The following IPO11 variants were observed in gnomAD, a reference collection of about 807,000 sequenced individuals.
IPO11 encodes importin-11.
In IPO11, 66 loss-of-function variants were observed where a neutral mutation model predicts 143.2. That is an observed-to-expected ratio of 0.46 (90% CI 0.38 to 0.57). The LOEUF is 0.57. IPO11 is among the 20% of genes least tolerant of loss of function. The pLI is 0.00. For missense variants in IPO11, 1,026 were observed against 1,141.0 expected (o/e 0.90, Z 1.45); for synonymous variants, 385 against 377.8 (o/e 1.02, Z -0.22).
In IPO11 at chr5:62,537,357, C is replaced by G. The variant is rs936644619; in HGVS notation, c.2250+68C>G. 36 of 1,044,246 alleles carry G rather than the reference C, an allele frequency of 3.4e-5. No homozygotes were observed. The Admixed American group carries it at 5.3e-4, about 15-fold the overall frequency. The allele number at this position is 1,044,246 out of a possible 1,614,324, so 64.7% of individuals were successfully genotyped here. A position where few individuals can be genotyped will look rare whatever the true frequency, so the allele number is the denominator to read the frequency against. On this transcript the variant is annotated intron_variant, in intron 24 of 29. Transcript: ENST00000325324. The stretch of plus-strand genomic sequence containing the variant: ...TTTATATTTTATGAAATTGGACTTT[C>G]ATTTGGATGGTTCGCAAGAAGGAGA...
chr5:62,486,287 T>C (rs1019613426), intron 12 of IPO11, among the ~76,000 whole-genome samples: 1 of 152,184 alleles, frequency 6.6e-6, no homozygotes, highest in Non-Finnish European at 1.5e-5. Context: ...GCCTTTTCTT[T>C]TGTTTAACTT....
At position 62,619,725 on chromosome 5, in the gene IPO11, C is replaced by T. The variant is rs888659131; in HGVS notation, c.2764-7429C>T. On this transcript the variant is annotated intron_variant, in intron 29 of 29. Coordinates refer to ENST00000325324, the MANE Select transcript of IPO11 (RefSeq NM_016338.5). Reference sequence around the variant, plus strand: ...AAAATTAGCCGGGCACGGTGGTGGGCGCCTGTAGTCCCACCTAGTCGGGAG... The same window carrying T: ...AAAATTAGCCGGGCACGGTGGTGGGTGCCTGTAGTCCCACCTAGTCGGGAG... Among the ~76,000 whole-genome samples, 15 of 151,942 alleles carry T rather than the reference C, an allele frequency of 9.9e-5. No individual in the cohort carries two copies. The South Asian group carries it at 1.9e-3, about 19-fold the overall frequency.
intron 28 of IPO11, among the ~76,000 whole-genome samples, chr5:62,597,752 T>C (rs935977604): frequency 5.9e-5 from 9 of 152,198 alleles, no homozygotes; most frequent in Non-Finnish European, 1.2e-4. Flanking sequence ...CTCACTGAGT[T>C]GTCATGCCCT....
chr5:62,479,624 G>A (rs1261138295), intron 9 of IPO11, among the ~76,000 whole-genome samples: 1 of 152,110 alleles, frequency 6.6e-6, no homozygotes, highest in African/African-American at 2.4e-5. Context: ...TTTAATGGTC[G>A]CCATTCTAAC....
At chr5:62,426,931 G>GTTT (rs763031944) in intron 1 of IPO11, among the ~76,000 whole-genome samples, 1,663 of 90,230 alleles carry the variant, frequency 0.018, 75 homozygotes, top group African/African-American at 0.047. Flanking sequence ...TTTTCTTTCT[G>GTTT]TTTTTTTTTT....
At chr5:62,564,551 CT>C (rs1743872783) in intron 27 of IPO11, among the ~76,000 whole-genome samples, 1 of 151,896 alleles carries the variant, frequency 6.6e-6, no homozygotes, top group African/African-American at 2.4e-5. Flanking sequence ...TTTTTTCCTC[CT>C]TTTATTATGA....
At position 62,413,093 on chromosome 5, in the gene IPO11, G is replaced by A. The variant is rs116418056; in HGVS notation, c.-7+164G>A. On this transcript the variant is annotated intron_variant, in intron 1 of 29. Coordinates refer to ENST00000325324, the MANE Select transcript of IPO11 (RefSeq NM_016338.5). ...GACTTGGCTGTTTGCGCAACCTTAG[G>A]AACCCGGGGAACTGGGGGCTGGCCG... is the stretch of plus-strand genomic sequence containing the variant. Among the ~76,000 whole-genome samples the A allele has an allele frequency of 7.2e-3, 1,099 of 152,300 alleles. 14 individuals carry two copies. The highest frequency in any genetic ancestry group is 0.025 in the African/African-American group (1,033 of 41,546).
chr5:62,626,703 T>A (rs1276003692), intron 29 of IPO11, among the ~76,000 whole-genome samples: 1 of 151,864 alleles, frequency 6.6e-6, no homozygotes, highest in East Asian at 1.9e-4. Flanking sequence ...TACAGGAATT[T>A]AAATAGTATT....
chr5:62,499,572 T>A (rs1208695567), intron 16 of IPO11, among the ~76,000 whole-genome samples: 8 of 144,508 alleles, frequency 5.5e-5, no homozygotes, highest in African/African-American at 2.0e-4. Flanking sequence ...ACTCTAACTT[T>A]TTTTTTTTTT....
intron 27 of IPO11, chr5:62,579,462 G>A (rs1164949486): frequency 3.2e-6 from 5 of 1,550,674 alleles, no homozygotes; most frequent in Non-Finnish European, 4.4e-6. Context: ...AGTTTTCTCT[G>A]CCTTGCCTAC....
intron 5 of IPO11, among the ~76,000 whole-genome samples, chr5:62,456,742 G>A (rs1005414224): frequency 1.3e-5 from 2 of 152,224 alleles, no homozygotes; most frequent in Non-Finnish European, 2.9e-5. Context: ...GACAGAATTA[G>A]TAGTCTCTTG....
intron 27 of IPO11, among the ~76,000 whole-genome samples, chr5:62,586,768 A>ATATATATATATAT (rs1554057002): frequency 3.5e-5 from 1 of 28,912 alleles, no homozygotes; most frequent in Non-Finnish European, 6.3e-5. Context: ...AAAAAAAAAA[A>ATATATATATATAT]ATATATATAT....
intron 15 of IPO11, among the ~76,000 whole-genome samples, 153 bp downstream of exon 15, chr5:62,490,373 A>G (rs564225960): frequency 1.3e-4 from 20 of 152,342 alleles, no homozygotes; most frequent in African/African-American, 2.6e-4. Context: ...GAATTTTGAC[A>G]TCTAGGAAGT....
intron 4 of IPO11, among the ~76,000 whole-genome samples, chr5:62,450,795 T>A (rs996546254): frequency 2.0e-5 from 3 of 152,156 alleles, no homozygotes; most frequent in African/African-American, 7.2e-5. Context: ...TTTTTTATAT[T>A]GAGGTCTTCT....
At position 62,464,199 on chromosome 5, in the gene IPO11, G is replaced by A. The variant is rs1418670284; in HGVS notation, c.517-2932G>A. ...GCAGTCTTGCTCTGTCGCCAGGCTGGAGTGCAGTGGCGAGATCTCTGCTCT... is the reference window on the plus strand; with the variant it reads ...GCAGTCTTGCTCTGTCGCCAGGCTGAAGTGCAGTGGCGAGATCTCTGCTCT... On this transcript the variant is annotated intron_variant, in intron 5 of 29. Transcript: ENST00000325324. Among the ~76,000 whole-genome samples, 3 of 144,586 alleles carry A rather than the reference G, an allele frequency of 2.1e-5. No homozygotes were observed. The Admixed American group carries it at 2.1e-4, about 10-fold the overall frequency. 94.9% of individuals were successfully genotyped at this position (144,586 alleles called of 152,430 possible).
At chr5:62,579,558 TGGGA>T (rs776500947) in intron 27 of IPO11, 10 of 1,551,076 alleles carry the variant, frequency 6.4e-6, no homozygotes, top group Non-Finnish European at 8.7e-7. Flanking sequence ...AGCTCTGCAC[TGGGA>T]GACAAATTAA....
In IPO11 at chr5:62,435,203, T is replaced by C. The variant is rs1266215418; in HGVS notation, c.-6-2071T>C. On this transcript the variant is annotated intron_variant, in intron 1 of 29. Coordinates refer to ENST00000325324, the MANE Select transcript of IPO11 (RefSeq NM_016338.5). Reference sequence around the variant, plus strand: ...ATGTATATATATGTATATATATGTATATATATGTGTATATATATATATATC... The same window carrying C: ...ATGTATATATATGTATATATATGTACATATATGTGTATATATATATATATC... Among the ~76,000 whole-genome samples the C allele has an allele frequency of 1.4e-4, 15 of 106,742 alleles. 1 individual carries two copies. The highest frequency in any genetic ancestry group is 1.2e-3 in the South Asian group (4 of 3,254). 70.0% of individuals were successfully genotyped at this position (106,742 alleles called of 152,430 possible).
chr5:62,431,592 G>A (rs896329417), intron 1 of IPO11, among the ~76,000 whole-genome samples: 2 of 151,978 alleles, frequency 1.3e-5, no homozygotes, highest in African/African-American at 4.8e-5. Context: ...CCCCCACCAG[G>A]CTAAAGTCAA....
intron 1 of IPO11, among the ~76,000 whole-genome samples, chr5:62,435,058 A>G (rs1412885752): frequency 9.0e-6 from 1 of 110,534 alleles, no homozygotes; most frequent in South Asian, 2.8e-4. Context: ...GTGTATATAT[A>G]TATGTATATA....
Sources: allele counts gnomAD v4.1 joint callset (sites outside exome capture counted in the v4.1 genomes callset), GRCh38; gene constraint gnomAD v4.1.1; transcripts MANE v1.5; gene names NCBI Gene and HGNC (gene_info 2026-07-23, HGNC 2026-07-21).